Variants in GLT8D2 observed in about 807,000 individuals in gnomAD.
GLT8D2 encodes glycosyltransferase 8 domain containing 2, also known as glycosyltransferase 8 domain-containing protein 2.
A neutral mutation model predicts 44.5 loss-of-function variants in GLT8D2; 45 were observed. That is an observed-to-expected ratio of 1.01 (90% confidence interval 0.80 to 1.30). The LOEUF (loss-of-function observed/expected upper bound fraction) is 1.30, where lower values mean the gene tolerates loss of function less well. Ranked by LOEUF, GLT8D2 falls within the 50% of genes most tolerant of loss-of-function variation. The probability of loss-of-function intolerance (pLI) is 0.00; values close to 1 mark genes in which losing one functional copy is unlikely to be tolerated. For missense variants in GLT8D2, 400 were observed against 430.4 expected, an observed-to-expected ratio of 0.93 and a Z score of 0.62; for synonymous variants, 156 against 157.2, an observed-to-expected ratio of 0.99 and a Z score of 0.06.
intron 10 of GLT8D2, among the ~76,000 whole-genome samples, chr12:103,992,959 AC>A (rs1219627400): frequency 6.6e-6 from 1 of 152,182 alleles, no homozygotes; most frequent in East Asian, 1.9e-4. Context: ...GTCCAAGGTC[AC>A]CTGGAGGATT....
chr12:103,990,663 C>T (rs1388682868), intron 10 of GLT8D2, among the ~76,000 whole-genome samples: 1 of 152,200 alleles, frequency 6.6e-6, no homozygotes, highest in Admixed American at 6.5e-5. Flanking sequence ...AACAACAACA[C>T]AACCTGGCTT....
intron 1 of GLT8D2, among the ~76,000 whole-genome samples, chr12:104,058,944 A>G (rs1179489894): frequency 1.3e-5 from 2 of 152,206 alleles, no homozygotes; most frequent in Non-Finnish European, 2.9e-5. Context: ...CAGCTACTCA[A>G]TTACGAATGG....
chr12:103,994,266 T>C (rs934344233), intron 9 of GLT8D2, 69 bp downstream of exon 9: 4 of 1,434,668 alleles, frequency 2.8e-6, no homozygotes, highest in Non-Finnish European at 3.8e-6. Context: ...CCTTGAACTA[T>C]GTGTGGAAAA....
At position 103,993,417 on chromosome 12, in the gene GLT8D2, G is replaced by A. The variant is rs770524056; in HGVS notation, c.855C>T (p.Asn285=). Residue 285 remains asparagine (N), a synonymous_variant, in exon 10 of 11, where the codon AAC becomes AAT. Transcript: ENST00000360814. The part of the protein sequence containing the change: ...IVFHGKYSTI[N]PLWHIRHLGW... The stretch of plus-strand genomic sequence containing the variant: ...CCAGGTGCCTTATGTGCCACAGGGG[G>A]TTAATTGTGGAATATTTCCCATGAA... The A allele has an allele frequency of 4.3e-6, 7 of 1,613,714 alleles. No homozygotes were observed. Among genetic ancestry groups the A allele is most frequent in the Non-Finnish European group, 5.1e-6 (6 of 1,179,584 alleles).
Position 104,019,690 on chromosome 12 carries a change from G to GAA in GLT8D2, c.-28-16_-28-15dup. The GAA allele has an allele frequency of 6.4e-7, 1 of 1,573,670 alleles. No individual in the cohort carries two copies. Among genetic ancestry groups the GAA allele is most frequent in the Non-Finnish European group, 8.7e-7 (1 of 1,152,728 alleles). On this transcript the variant is annotated splice_polypyrimidine_tract_variant and intron_variant, in intron 2 of 10. Coordinates refer to ENST00000360814, the MANE Select transcript of GLT8D2 (RefSeq NM_001384711.1). ...AAGAACTGTAACCTGTGGATTAAAG[G>GAA]AAAAAAAATCTGTTTAAAGGAGAAT...
At chr12:104,047,094 G>T (rs1407920873) in intron 1 of GLT8D2, among the ~76,000 whole-genome samples, 2 of 152,154 alleles carry the variant, frequency 1.3e-5, no homozygotes, top group Non-Finnish European at 2.9e-5. Context: ...CTCCCAAAGT[G>T]CTGTGATTAC....
At chr12:104,016,817 AAGAG>A (rs1269961651) in intron 3 of GLT8D2, among the ~76,000 whole-genome samples, 2 of 133,778 alleles carry the variant, frequency 1.5e-5, no homozygotes, top group South Asian at 5.0e-4. Flanking sequence ...GAAAGAAAGA[AAGAG>A]AAAGAAAAGA....
chr12:103,992,431 G>C (rs1872856242), intron 10 of GLT8D2, among the ~76,000 whole-genome samples: 1 of 151,450 alleles, frequency 6.6e-6, no homozygotes, highest in East Asian at 1.9e-4. Context: ...TAAAAGTGTG[G>C]CTTGACAGTT....
Position 103,999,520 on chromosome 12 carries a change from A to G in GLT8D2, c.285-6T>C. On this transcript the variant is annotated splice_region_variant and splice_polypyrimidine_tract_variant and intron_variant, in intron 5 of 10. Coordinates refer to ENST00000360814, the MANE Select transcript of GLT8D2 (RefSeq NM_001384711.1). ...TGGAATGTTCAATCCATTTTCTAAA[A>G]AGATGACCAAAAAAACCTCTAGTAT... The G allele has an allele frequency of 1.3e-6, 2 of 1,563,210 alleles. No individual in the cohort carries two copies.
chr12:104,053,879 G>A (rs571808639), upstream of GLT8D2, among the ~76,000 whole-genome samples: 7 of 132,048 alleles, frequency 5.3e-5, no homozygotes, highest in South Asian at 1.2e-3. Context: ...GCAAGACTCC[G>A]TCTCAAAAAA....
intron 4 of GLT8D2, among the ~76,000 whole-genome samples, chr12:104,006,626 CCT>C (rs1443733222): frequency 3.9e-5 from 6 of 152,146 alleles, no homozygotes; most frequent in Non-Finnish European, 7.4e-5. Flanking sequence ...AGAATCCACC[CCT>C]GAGCCTTTTC....
At chr12:104,032,593 A>T (rs1447618818) in intron 1 of GLT8D2, among the ~76,000 whole-genome samples, 4 of 152,164 alleles carry the variant, frequency 2.6e-5, no homozygotes, top group Non-Finnish European at 5.9e-5. Context: ...GGGATATTCA[A>T]ATCCAAACCA....
intron 1 of GLT8D2, among the ~76,000 whole-genome samples, chr12:104,033,069 A>G (rs113000046): frequency 2.0e-5 from 3 of 152,076 alleles, no homozygotes; most frequent in African/African-American, 7.2e-5. Flanking sequence ...TTTAGTAGAG[A>G]CAGGGTTTCA....
intron 10 of GLT8D2, among the ~76,000 whole-genome samples, chr12:103,990,133 A>ATATATATATATATC (rs1170333665): frequency 1.5e-5 from 2 of 136,466 alleles, no homozygotes; most frequent in South Asian, 2.3e-4. Context: ...ATATATATAT[A>ATATATATATATATC]TGTAGGATAA....
chr12:104,040,001 T>C (rs985165986), intron 1 of GLT8D2, among the ~76,000 whole-genome samples: 1 of 152,160 alleles, frequency 6.6e-6, no homozygotes, highest in South Asian at 2.1e-4. Flanking sequence ...TGCAGGGACA[T>C]GGATGAAGCT....
At chr12:104,033,290 T>C (rs1235852288) in intron 1 of GLT8D2, among the ~76,000 whole-genome samples, 1 of 152,194 alleles carries the variant, frequency 6.6e-6, no homozygotes, top group Non-Finnish European at 1.5e-5. Context: ...TATGTAGACA[T>C]ATATATGCAC....
upstream of GLT8D2, among the ~76,000 whole-genome samples, chr12:104,052,872 C>A (rs2136528662): frequency 6.6e-6 from 1 of 152,234 alleles, no homozygotes; most frequent in Middle Eastern, 3.4e-3. Context: ...GGACTGTAGT[C>A]ATGCACCACC....
At chr12:104,013,665 T>C (rs1024051157) in intron 4 of GLT8D2, among the ~76,000 whole-genome samples, 1 of 152,178 alleles carries the variant, frequency 6.6e-6, no homozygotes, top group African/African-American at 2.4e-5. Flanking sequence ...ATAGGGATAT[T>C]GTTTTGTTCA....
chr12:104,030,777 C>T, intron 1 of GLT8D2: 1 of 1,611,980 alleles, frequency 6.2e-7, no homozygotes, highest in Non-Finnish European at 8.5e-7. Context: ...CAGCCCGCCG[C>T]CATGGCCGCC....
Sources: allele counts gnomAD v4.1 joint callset (sites outside exome capture counted in the v4.1 genomes callset), GRCh38; gene constraint gnomAD v4.1.1; transcripts MANE v1.5; gene names NCBI Gene and HGNC (gene_info 2026-07-23, HGNC 2026-07-21).